Variants in PREX2 observed in about 807,000 individuals in gnomAD.
The protein encoded by PREX2 is phosphatidylinositol 3,4,5-trisphosphate-dependent Rac exchanger 2 protein.
A neutral mutation model predicts 203.2 loss-of-function variants in PREX2; 107 were observed. That is an observed-to-expected ratio of 0.53 (90% confidence interval 0.45 to 0.62). PREX2 has a LOEUF of 0.62. Among genes scored for constraint, PREX2 ranks in the 20% least tolerant of loss-of-function variants. PREX2 has a pLI of 0.00. For synonymous variants in PREX2, 672 were observed against 663.6 expected (o/e 1.01, Z -0.19); for missense variants, 1,777 against 1,955.9 (o/e 0.91, Z 1.72).
chr8:68,080,744 A>G lies in PREX2; in HGVS notation c.1786-2A>G. 6.5e-7 allele frequency: 1 copy of G among 1,543,518 alleles called. No individual in the cohort carries two copies. The highest frequency in any genetic ancestry group is 2.2e-5 in the East Asian group (1 of 44,526). ...CAATAATGTTAATATTTTGCATTTC[A>G]GATTAAATCCAATGAAGGCAGCTAT... On this transcript the variant is annotated splice_acceptor_variant, in intron 16 of 39. Transcript: ENST00000288368. LOFTEE classifies it high-confidence loss of function.
chr8:67,961,787 A>C (rs577572492), intron 1 of PREX2, among the ~76,000 whole-genome samples: 2 of 152,320 alleles, frequency 1.3e-5, no homozygotes, highest in South Asian at 4.1e-4. Flanking sequence ...TTTATTGAAT[A>C]AATTTGTTGT....
At chr8:68,042,269 G>T (rs576049263) in intron 7 of PREX2, among the ~76,000 whole-genome samples, 2 of 152,102 alleles carry the variant, frequency 1.3e-5, no homozygotes, top group African/African-American at 4.8e-5. Flanking sequence ...GCTAGATTAG[G>T]CATCCTTGCT....
At chr8:68,221,204 T>C (rs540367703) in intron 38 of PREX2, among the ~76,000 whole-genome samples, 1 of 152,330 alleles carries the variant, frequency 6.6e-6, no homozygotes, top group South Asian at 2.1e-4. Flanking sequence ...TTTTATCCTT[T>C]TTATGGCATA....
chr8:68,203,045 G>A (rs1812538613), intron 37 of PREX2, among the ~76,000 whole-genome samples: 1 of 152,178 alleles, frequency 6.6e-6, no homozygotes, highest in African/African-American at 2.4e-5. Flanking sequence ...TCCCCACTCA[G>A]TCCATGGACC....
In PREX2 at chr8:68,019,638, T is replaced by G. The variant is rs752091244; in HGVS notation, c.303T>G (p.Ala101=). The G allele has an allele frequency of 6.2e-7, 1 of 1,613,082 alleles. No individual in the cohort carries two copies. The highest frequency in any genetic ancestry group is 1.3e-5 in the African/African-American group (1 of 74,852). ...VEECLHPEPN[A]QQEVGTCFLH... is the part of the protein sequence containing the mutation. ...AATGCTTACACCCCGAACCTAATGC[T>G]CAACAAGAAGTGGGAACCTGCTTTC... Residue 101 remains alanine, a synonymous_variant, in exon 3 of 40, where the codon GCT becomes GCG. Coordinates refer to ENST00000288368, the MANE Select transcript of PREX2 (RefSeq NM_024870.4).
In PREX2 at chr8:68,038,365, C is replaced by A; in HGVS notation, c.839+73C>A. On this transcript the variant is annotated intron_variant, in intron 7 of 39. Coordinates refer to ENST00000288368, the MANE Select transcript of PREX2 (RefSeq NM_024870.4). ...CTTTCCCTCTGTGCTTCCCAGAACTCATCTATCCAGCTCACAGTTTCTACC... is the reference window on the plus strand; with the variant it reads ...CTTTCCCTCTGTGCTTCCCAGAACTAATCTATCCAGCTCACAGTTTCTACC... 2.7e-6 allele frequency: 4 copies of A among 1,481,254 alleles called. No homozygotes were observed. In the Admixed American group the frequency reaches 7.3e-5, roughly 27 times the overall value. 91.8% of individuals were successfully genotyped at this position (1,481,254 alleles called of 1,614,324 possible).
chr8:68,181,996 A>G (rs747611534), intron 35 of PREX2, among the ~76,000 whole-genome samples: 21 of 152,060 alleles, frequency 1.4e-4, no homozygotes, highest in Non-Finnish European at 2.1e-4. Context: ...GTATAGGGAA[A>G]AACTACTGAC....
intron 8 of PREX2, among the ~76,000 whole-genome samples, chr8:68,045,923 A>G (rs1304920049): frequency 6.6e-6 from 1 of 151,482 alleles, no homozygotes; most frequent in Non-Finnish European, 1.5e-5. Flanking sequence ...ACATTTAGAA[A>G]TGTTATCTAA....
At chr8:68,132,316 A>C (rs945873345) in intron 31 of PREX2, among the ~76,000 whole-genome samples, 1 of 151,680 alleles carries the variant, frequency 6.6e-6, no homozygotes, top group Non-Finnish European at 1.5e-5. Flanking sequence ...TAGAGATTTT[A>C]TAGTTATCTA....
At chr8:68,173,951 C>T (rs771485175) in intron 35 of PREX2, among the ~76,000 whole-genome samples, 2 of 152,144 alleles carry the variant, frequency 1.3e-5, no homozygotes, top group African/African-American at 2.4e-5. Context: ...GAAATATACT[C>T]AGTGAGGAAA....
chr8:68,160,231 C>G (rs1811628447), intron 35 of PREX2, among the ~76,000 whole-genome samples: 1 of 152,106 alleles, frequency 6.6e-6, no homozygotes, highest in Admixed American at 6.6e-5. Context: ...CTTGCATGAA[C>G]TTCTTTGAAG....
chr8:67,991,257 C>T (rs1297749561), intron 1 of PREX2, among the ~76,000 whole-genome samples: 1 of 152,032 alleles, frequency 6.6e-6, no homozygotes, highest in Non-Finnish European at 1.5e-5. Context: ...GAATTTAAAC[C>T]CAAGCACTCA....
At chr8:67,995,924 G>C (rs560310549) in intron 1 of PREX2, among the ~76,000 whole-genome samples, 13 of 152,126 alleles carry the variant, frequency 8.5e-5, no homozygotes, top group Non-Finnish European at 1.8e-4. Flanking sequence ...AGCTGTGCTT[G>C]CAATTTTACA....
At chr8:68,025,420 TG>T (rs1807690306) in intron 4 of PREX2, among the ~76,000 whole-genome samples, 1 of 152,036 alleles carries the variant, frequency 6.6e-6, no homozygotes, top group Non-Finnish European at 1.5e-5. Flanking sequence ...TTCTCTTTTT[TG>T]CTGCTTTCTA....
chr8:68,138,814 A>G (rs1274832130), intron 33 of PREX2, among the ~76,000 whole-genome samples: 2 of 152,162 alleles, frequency 1.3e-5, no homozygotes, highest in Admixed American at 6.5e-5. Flanking sequence ...AGTCTAAGAA[A>G]TCTTCAGTAG....
At chr8:68,163,718 A>G (rs970943344) in intron 35 of PREX2, among the ~76,000 whole-genome samples, 1 of 152,178 alleles carries the variant, frequency 6.6e-6, no homozygotes, top group South Asian at 2.1e-4. Context: ...TCACAAAGAA[A>G]GGGAAACACC....
rs10581964 is a variant in PREX2, at chr8:68,231,477, CTTTTT to C, written c.*113_*117del. The stretch of plus-strand genomic sequence containing the variant: ...ATTCTCCACTGAAGATACATCAATG[CTTTTT>C]TTTTTTTTTTTTTCTGTAAATCTTT... On this transcript the variant is annotated 3_prime_UTR_variant, in exon 40 of 40. Coordinates refer to ENST00000288368, the MANE Select transcript of PREX2 (RefSeq NM_024870.4). The C allele has an allele frequency of 3.5e-4, 166 of 473,488 alleles. No homozygotes were observed. Among genetic ancestry groups the C allele is most frequent in the South Asian group, 8.9e-4 (18 of 20,204 alleles). 29.3% of individuals were successfully genotyped at this position (473,488 alleles called of 1,614,324 possible). A position where few individuals can be genotyped will look rare whatever the true frequency, so the allele number is the denominator to read the frequency against.
Position 68,016,878 on chromosome 8 carries a change from C to T in PREX2, c.142-968C>T, listed in dbSNP as rs554239148. 8.5e-4 allele frequency among the ~76,000 whole-genome samples: 129 copies of T among 152,246 alleles called. 4 individuals carry two copies. The South Asian group carries it at 0.021, about 25-fold the overall frequency. On this transcript the variant is annotated intron_variant, in intron 1 of 39. Transcript: ENST00000288368. ...GGGATCCTGCCTGGGACTCCCAAAGCGCTAGGAGTATAGACATGAGCCACC... is the reference window on the plus strand; with the variant it reads ...GGGATCCTGCCTGGGACTCCCAAAGTGCTAGGAGTATAGACATGAGCCACC...
chr8:68,121,012 C>A lies in PREX2; in HGVS notation c.3687C>A (p.Val1229=). The change falls in exon 30 of 40, where the codon GTC becomes GTA. Residue 1229 remains valine, a synonymous_variant. Coordinates refer to ENST00000288368, the MANE Select transcript of PREX2 (RefSeq NM_024870.4). ...ATCCTTGGAATCTTCCCAGCAGCGT[C>A]CGGACTCTTGCTCAGAACATCAGGA... ...KQDPWNLPSS[V]RTLAQNIRKF... is the part of the protein sequence containing the mutation. 6.2e-7 allele frequency: 1 copy of A among 1,613,748 alleles called. No individual in the cohort carries two copies. The highest frequency in any genetic ancestry group is 8.5e-7 in the Non-Finnish European group (1 of 1,179,774).
Sources: allele counts gnomAD v4.1 joint callset (sites outside exome capture counted in the v4.1 genomes callset), GRCh38; gene constraint gnomAD v4.1.1; transcripts MANE v1.5; gene names NCBI Gene and HGNC (gene_info 2026-07-23, HGNC 2026-07-21).